Variants in SORCS3 observed in about 807,000 individuals in gnomAD.
SORCS3 encodes the protein sortilin related VPS10 domain containing receptor 3, also known as VPS10 domain-containing receptor SorCS3.
SORCS3 carries 57 observed loss-of-function variants against 146.3 expected under a neutral mutation model. The ratio of observed to expected loss-of-function variants is 0.39; its 90% CI spans 0.31 to 0.49. SORCS3 has a LOEUF of 0.49. Ranked by LOEUF, SORCS3 falls within the 20% of genes least tolerant of loss-of-function variation. SORCS3 has a pLI of 0.92. For synonymous variants in SORCS3, 653 were observed against 618.5 expected (o/e 1.06, Z -0.83); for missense variants, 1,341 against 1,575.5 (o/e 0.85, Z 2.52).
chr10:105,007,958 G>A (rs1299453171), intron 4 of SORCS3, among the ~76,000 whole-genome samples: 1 of 152,088 alleles, frequency 6.6e-6, no homozygotes, highest in African/African-American at 2.4e-5. Context: ...AATAAAGAAG[G>A]GACTTAAGGT....
chr10:104,852,457 G>C (rs1236936152), intron 2 of SORCS3, among the ~76,000 whole-genome samples: 1 of 152,150 alleles, frequency 6.6e-6, no homozygotes, highest in Non-Finnish European at 1.5e-5. Context: ...AATTCACGTG[G>C]ATTATGAGAA....
chr10:104,674,992 A>G (rs1339930586), intron 1 of SORCS3, among the ~76,000 whole-genome samples: 2 of 152,204 alleles, frequency 1.3e-5, no homozygotes, highest in African/African-American at 4.8e-5. Flanking sequence ...TATATACCCA[A>G]GGGTAGACTA....
In SORCS3 at chr10:105,187,827, G is replaced by T. The variant is rs901415005; in HGVS notation, c.2009+9654G>T. Among the ~76,000 whole-genome samples the T allele has an allele frequency of 2.0e-5, 3 of 152,172 alleles. No homozygotes were observed. In the South Asian group the frequency reaches 6.2e-4, roughly 32 times the overall value. ...TAAGAGTTCTAGAAGCTGGGCTAGG[G>T]CATAAACAAAATAGTCAGGGTCACT... On this transcript the variant is annotated intron_variant, in intron 14 of 26. Coordinates refer to ENST00000369701, the MANE Select transcript of SORCS3 (RefSeq NM_014978.3).
chr10:105,113,536 A>G (rs1346808458), intron 7 of SORCS3, among the ~76,000 whole-genome samples: 1 of 152,132 alleles, frequency 6.6e-6, no homozygotes, highest in African/African-American at 2.4e-5. Context: ...CTCTTGACAT[A>G]TTATTTTTAA....
At chr10:104,890,932 G>A (rs564814304) in intron 2 of SORCS3, among the ~76,000 whole-genome samples, 72 of 152,238 alleles carry the variant, frequency 4.7e-4, no homozygotes, top group Non-Finnish European at 9.1e-4. Context: ...TCTTCTTTTT[G>A]TGTGTTGTAG....
At chr10:105,160,955 G>T (rs761801769) in intron 11 of SORCS3, among the ~76,000 whole-genome samples, 1 of 152,146 alleles carries the variant, frequency 6.6e-6, no homozygotes, top group Non-Finnish European at 1.5e-5. Context: ...AGAGATGGAA[G>T]TATGTGTCTA....
intron 2 of SORCS3, among the ~76,000 whole-genome samples, chr10:104,871,013 C>T (rs1311155039): frequency 6.6e-6 from 1 of 152,168 alleles, no homozygotes; most frequent in Non-Finnish European, 1.5e-5. Context: ...CAGAGCAGCC[C>T]TCCATACTCA....
intron 1 of SORCS3, among the ~76,000 whole-genome samples, chr10:104,750,383 T>C (rs2133468150): frequency 6.6e-6 from 1 of 152,324 alleles, no homozygotes; most frequent in South Asian, 2.1e-4. Context: ...TGTATTTGTA[T>C]GTAAGGAAAA....
chr10:105,252,299 A>G (rs2056904254), intron 22 of SORCS3, among the ~76,000 whole-genome samples: 1 of 152,238 alleles, frequency 6.6e-6, no homozygotes, highest in African/African-American at 2.4e-5. Context: ...ATGCAGTCTT[A>G]CCAATATTAG....
At chr10:104,802,354 A>C (rs1309815117) in intron 1 of SORCS3, among the ~76,000 whole-genome samples, 2 of 152,224 alleles carry the variant, frequency 1.3e-5, no homozygotes, top group Non-Finnish European at 1.5e-5. Context: ...GTTTATACAA[A>C]GTTGATTTTT....
intron 1 of SORCS3, among the ~76,000 whole-genome samples, chr10:104,741,858 A>T (rs2016850924): frequency 6.6e-6 from 1 of 151,566 alleles, no homozygotes; most frequent in African/African-American, 2.4e-5. Context: ...TTTCAAGCGT[A>T]TGCATAATTG....
At chr10:104,939,257 CA>C (rs2019288603) in intron 3 of SORCS3, among the ~76,000 whole-genome samples, 1 of 152,162 alleles carries the variant, frequency 6.6e-6, no homozygotes, top group African/African-American at 2.4e-5. Context: ...ACCTCCCTAG[CA>C]TGTATCTTCC....
chr10:105,075,890 C>T (rs553003826), intron 5 of SORCS3, among the ~76,000 whole-genome samples: 3 of 152,192 alleles, frequency 2.0e-5, no homozygotes, highest in African/African-American at 7.2e-5. Context: ...AACTACACAG[C>T]TGGTCAGTAT....
chr10:104,836,156 G>A (rs951964293), intron 1 of SORCS3, among the ~76,000 whole-genome samples: 1 of 152,122 alleles, frequency 6.6e-6, no homozygotes, highest in Non-Finnish European at 1.5e-5. Flanking sequence ...GGGTGGAATA[G>A]GGACTGAAAC....
At chr10:105,178,695 T>C (rs2056423947) in intron 14 of SORCS3, among the ~76,000 whole-genome samples, 1 of 152,156 alleles carries the variant, frequency 6.6e-6, no homozygotes, top group African/African-American at 2.4e-5. Flanking sequence ...TCTTTTATAA[T>C]GAGATTTAAT....
At chr10:104,768,601 A>C (rs1036692951) in intron 1 of SORCS3, among the ~76,000 whole-genome samples, 1 of 152,184 alleles carries the variant, frequency 6.6e-6, no homozygotes, top group African/African-American at 2.4e-5. Context: ...AGCACCTGTA[A>C]TAAGTCACCA....
At position 105,211,202 on chromosome 10, in the gene SORCS3, C is replaced by A; in HGVS notation, c.2327C>A (p.Ser776Tyr). The change falls in exon 17 of 27, where the codon TCC (serine) becomes TAC (tyrosine). Residue 776 changes from serine to tyrosine, a missense_variant. By Grantham distance (144) the Ser-to-Tyr change is moderately radical. Coordinates refer to ENST00000369701, the MANE Select transcript of SORCS3 (RefSeq NM_014978.3). ...CCAGCTTTCTGGTACAATCCAGCAT[C>A]CCCATCAAAGGACTGCAGCCTTGGT... Reference protein sequence around the residue: ...CVPAFWYNPASPSKDCSLGQS... With the variant: ...CVPAFWYNPAYPSKDCSLGQS... 1 of 1,614,060 alleles carries A rather than the reference C, an allele frequency of 6.2e-7. No individual in the cohort carries two copies. The highest frequency in any genetic ancestry group is 8.5e-7 in the Non-Finnish European group (1 of 1,179,964).
chr10:104,713,124 T>TGC (rs2016437755), intron 1 of SORCS3, among the ~76,000 whole-genome samples: 2 of 15,392 alleles, frequency 1.3e-4, no homozygotes, highest in Non-Finnish European at 6.0e-4. Flanking sequence ...CTCAAGTGTG[T>TGC]GTGCGTGTGT....
At chr10:104,935,051 A>G (rs1249949897) in intron 3 of SORCS3, among the ~76,000 whole-genome samples, 1 of 152,208 alleles carries the variant, frequency 6.6e-6, no homozygotes, top group Admixed American at 6.5e-5. Flanking sequence ...ATTAAGCAAT[A>G]GTAAATAATA....
Sources: allele counts gnomAD v4.1 joint callset (sites outside exome capture counted in the v4.1 genomes callset), GRCh38; gene constraint gnomAD v4.1.1; transcripts MANE v1.5; gene names NCBI Gene and HGNC (gene_info 2026-07-23, HGNC 2026-07-21).